Variants in LDB2 observed in about 807,000 individuals in gnomAD.
The protein encoded by LDB2 is LIM domain-binding protein 2.
Under a neutral mutation model 44.3 loss-of-function variants are expected in LDB2, and 12 were observed. That is an observed-to-expected ratio of 0.27 (90% CI 0.17 to 0.44). The LOEUF (loss-of-function observed/expected upper bound fraction) is 0.44. Ranked by LOEUF, LDB2 falls within the 20% of genes least tolerant of loss-of-function variation. The pLI, the probability that LDB2 is intolerant of heterozygous loss-of-function variation, is 1.00. For synonymous variants in LDB2, 164 were observed against 174.8 expected, an observed-to-expected ratio of 0.94 and a Z score of 0.49; for missense variants, 344 against 473.5, an observed-to-expected ratio of 0.73 and a Z score of 2.54.
intron 1 of LDB2, among the ~76,000 whole-genome samples, chr4:16,840,092 C>A (rs1308888972): frequency 6.6e-6 from 1 of 152,150 alleles, no homozygotes; most frequent in Non-Finnish European, 1.5e-5. Flanking sequence ...ACTTTCCCAA[C>A]AATCCTATCA....
chr4:16,773,964 C>G (rs1473393811), intron 1 of LDB2, among the ~76,000 whole-genome samples: 1 of 132,466 alleles, frequency 7.5e-6, no homozygotes, highest in Non-Finnish European at 1.6e-5. Context: ...ACCATCCTGG[C>G]CAACACGGTG....
At chr4:16,692,605 G>A (rs770371351) in intron 2 of LDB2, among the ~76,000 whole-genome samples, 2 of 151,952 alleles carry the variant, frequency 1.3e-5, no homozygotes, top group Non-Finnish European at 2.9e-5. Flanking sequence ...GCACTGCAGG[G>A]GGAAGAAATA....
chr4:16,643,750 C>T lies in LDB2; in HGVS notation c.236-47875G>A, dbSNP rs567325380. On this transcript the variant is annotated intron_variant, in intron 2 of 7. Coordinates refer to ENST00000304523, the MANE Select transcript of LDB2 (RefSeq NM_001290.5). Reference sequence around the variant, plus strand: ...TTGGTCTTTGGTACAGCGTAATTAACGTTGTTTAAATAAAAAAAAAACCCT... The same window carrying T: ...TTGGTCTTTGGTACAGCGTAATTAATGTTGTTTAAATAAAAAAAAAACCCT... Among the ~76,000 whole-genome samples, 12 of 151,884 alleles carry T rather than the reference C, an allele frequency of 7.9e-5. No homozygotes were observed. In the East Asian group the frequency reaches 2.1e-3, roughly 27 times the overall value.
At chr4:16,767,796 C>T (rs1769690889) in intron 1 of LDB2, among the ~76,000 whole-genome samples, 1 of 152,198 alleles carries the variant, frequency 6.6e-6, no homozygotes, top group South Asian at 2.1e-4. Flanking sequence ...TGCATTTGTG[C>T]TATTACAGTC....
intron 1 of LDB2, among the ~76,000 whole-genome samples, chr4:16,854,561 T>G (rs992842405): frequency 2.0e-5 from 3 of 151,286 alleles, no homozygotes; most frequent in Non-Finnish European, 3.0e-5. Flanking sequence ...CTATGTATTG[T>G]TTATTGTTAA....
In LDB2 at chr4:16,744,926, T is replaced by C. The variant is rs564456663; in HGVS notation, c.235+14232A>G. 2.6e-5 allele frequency among the ~76,000 whole-genome samples: 4 copies of C among 152,332 alleles called. No individual in the cohort carries two copies. In the South Asian group the frequency reaches 8.3e-4, roughly 32 times the overall value. On this transcript the variant is annotated intron_variant, in intron 2 of 7. Coordinates refer to ENST00000304523, the MANE Select transcript of LDB2 (RefSeq NM_001290.5). ...AATACAGATTATAATAGCTATTACT[T>C]ATTGAAAAACTCCTGTGTATCAGGG... is the stretch of plus-strand genomic sequence containing the variant.
chr4:16,843,664 C>T (rs546914534), intron 1 of LDB2, among the ~76,000 whole-genome samples: 1 of 152,238 alleles, frequency 6.6e-6, no homozygotes, highest in East Asian at 1.9e-4. Flanking sequence ...CTCTGTTCCC[C>T]AGGCTGGGGT....
intron 1 of LDB2, among the ~76,000 whole-genome samples, chr4:16,845,248 T>C (rs1008501839): frequency 5.3e-5 from 8 of 152,214 alleles, no homozygotes; most frequent in African/African-American, 1.7e-4. Context: ...AATTTATACA[T>C]TAAGCCTCCT....
chr4:16,841,996 C>G (rs207711), intron 1 of LDB2, among the ~76,000 whole-genome samples: 66,763 of 152,014 alleles, frequency 0.44, 14,832 homozygotes, highest in East Asian at 0.6. Flanking sequence ...TACATTCATT[C>G]TAGAAGTCTA....
At chr4:16,558,491 G>A (rs540125124) in intron 5 of LDB2, among the ~76,000 whole-genome samples, 17 of 152,262 alleles carry the variant, frequency 1.1e-4, no homozygotes, top group African/African-American at 1.4e-4. Flanking sequence ...GAAATGAAGC[G>A]AGAAGGGAAG....
intron 2 of LDB2, among the ~76,000 whole-genome samples, chr4:16,748,113 G>GGGA (rs1265613524): frequency 8.5e-5 from 13 of 152,136 alleles, no homozygotes; most frequent in Non-Finnish European, 4.4e-5. Flanking sequence ...TTCATTAAAT[G>GGGA]GGAGGGGCTT....
intron 5 of LDB2, among the ~76,000 whole-genome samples, chr4:16,518,078 A>ATG (rs1337637296): frequency 6.6e-6 from 1 of 152,224 alleles, no homozygotes; most frequent in African/African-American, 2.4e-5. Context: ...CACAATGCAT[A>ATG]TGTATGTCCT....
intron 5 of LDB2, among the ~76,000 whole-genome samples, chr4:16,574,977 C>A (rs903881623): frequency 6.6e-6 from 1 of 152,120 alleles, no homozygotes; most frequent in Non-Finnish European, 1.5e-5. Flanking sequence ...TATTATTATT[C>A]CTATTATTAA....
intron 1 of LDB2, among the ~76,000 whole-genome samples, chr4:16,785,056 G>T (rs1029885704): frequency 6.6e-6 from 1 of 151,798 alleles, no homozygotes; most frequent in Non-Finnish European, 1.5e-5. Context: ...GTAAACGAAA[G>T]AAAAATAATA....
At chr4:16,841,587 T>C (rs1393925813) in intron 1 of LDB2, among the ~76,000 whole-genome samples, 1 of 152,144 alleles carries the variant, frequency 6.6e-6, no homozygotes, top group African/African-American at 2.4e-5. Context: ...CATAGAAAAA[T>C]AGCAGACACG....
At chr4:16,532,364 C>T (rs1730446521) in intron 5 of LDB2, among the ~76,000 whole-genome samples, 1 of 152,162 alleles carries the variant, frequency 6.6e-6, no homozygotes, top group Non-Finnish European at 1.5e-5. Context: ...AATAAATAGA[C>T]AAGAAGCACA....
At chr4:16,524,440 T>C (rs1221434254) in intron 5 of LDB2, among the ~76,000 whole-genome samples, 2 of 152,032 alleles carry the variant, frequency 1.3e-5, no homozygotes, top group African/African-American at 2.4e-5. Flanking sequence ...ATTCCTAAGA[T>C]AGAGGTAGGG....
At position 16,533,792 on chromosome 4, in the gene LDB2, A is replaced by G. The variant is rs1046080411; in HGVS notation, c.616-21688T>C. Among the ~76,000 whole-genome samples, 1 of 152,182 alleles carries G rather than the reference A, an allele frequency of 6.6e-6. No individual in the cohort carries two copies. The highest frequency in any genetic ancestry group is 1.5e-5 in the Non-Finnish European group (1 of 68,026). On this transcript the variant is annotated intron_variant, in intron 5 of 7. Transcript: ENST00000304523. The surrounding 1 kb of genome is among the most constrained non-coding windows in gnomAD (Gnocchi z 4.1). ...CCTGGAAAGGTGAAATTTTTAATTA[A>G]ATGTATTCAAAGGGAATACAGATTA...
At chr4:16,648,513 A>G (rs1737397901) in intron 2 of LDB2, among the ~76,000 whole-genome samples, 1 of 152,200 alleles carries the variant, frequency 6.6e-6, no homozygotes, top group Non-Finnish European at 1.5e-5. Context: ...CCAGGCAGTA[A>G]CTATATAACA....
Sources: allele counts gnomAD v4.1 joint callset (sites outside exome capture counted in the v4.1 genomes callset), GRCh38; gene constraint gnomAD v4.1.1; non-coding constraint Gnocchi (gnomAD v3.1); transcripts MANE v1.5; gene names NCBI Gene and HGNC (gene_info 2026-07-23, HGNC 2026-07-21).